Variants in ITPKB observed in about 807,000 individuals in gnomAD.
ITPKB encodes the protein inositol-trisphosphate 3-kinase B.
ITPKB carries 13 observed loss-of-function variants against 69.4 expected under a neutral mutation model. The ratio of observed to expected loss-of-function variants is 0.19; its 90% CI spans 0.12 to 0.30. The LOEUF is 0.30. Ranked by LOEUF, ITPKB falls within the 10% of genes least tolerant of loss-of-function variation. The pLI is 1.00. For missense variants in ITPKB, 1,240 were observed against 1,250.5 expected (o/e 0.99, Z 0.13); for synonymous variants, 584 against 513.7 (o/e 1.14, Z -1.85).
chr1:226,666,079 A>G (rs185674902), intron 2 of ITPKB, among the ~76,000 whole-genome samples: 1 of 152,306 alleles, frequency 6.6e-6, no homozygotes, highest in Non-Finnish European at 1.5e-5. Context: ...GACAGACATG[A>G]CCGCAGAGGG....
At chr1:226,654,133 G>C (rs144571673) in intron 2 of ITPKB, among the ~76,000 whole-genome samples, 37 of 152,316 alleles carry the variant, frequency 2.4e-4, no homozygotes, top group African/African-American at 5.8e-4. Flanking sequence ...ACTCAAGAGA[G>C]GCCTGGAGAC....
intron 2 of ITPKB, among the ~76,000 whole-genome samples, chr1:226,682,505 T>C (rs1233947686): frequency 6.6e-6 from 1 of 152,184 alleles, no homozygotes; most frequent in Non-Finnish European, 1.5e-5. Flanking sequence ...CACTCATTCA[T>C]TCTGAGCCTT....
In ITPKB at chr1:226,735,853, G is replaced by A. The variant is rs541198818; in HGVS notation, c.1606C>T (p.Arg536Trp). ...VQSEGTWESQ[R>W]QDSDALPSPE... ...CTTGGGAGGGCATCACTGTCCTGCC[G>A]CTGGCTTTCCCAAGTCCCCTCTGAT... is the stretch of plus-strand genomic sequence containing the variant. Residue 536 changes from arginine to tryptophan, a missense_variant, in exon 2 of 8, where the codon CGG becomes TGG. Around this residue, in one of 2 missense-constraint regions of ITPKB, gnomAD observed 992 missense variants for 853.8 expected, o/e 1.16. Transcript: ENST00000429204. 8 of 1,606,760 alleles carry A rather than the reference G, an allele frequency of 5.0e-6. No individual in the cohort carries two copies. Among genetic ancestry groups the A allele is most frequent in the South Asian group, 4.4e-5 (4 of 90,852 alleles).
chr1:226,734,833 G>A (rs1388609885), intron 2 of ITPKB, among the ~76,000 whole-genome samples: 1 of 152,226 alleles, frequency 6.6e-6, no homozygotes, highest in African/African-American at 2.4e-5. Flanking sequence ...CTACTCCGGA[G>A]ATAACACTCA....
intron 2 of ITPKB, 145 bp from the exon 3 acceptor site, chr1:226,648,916 A>G: frequency 1.5e-6 from 1 of 663,480 alleles, no homozygotes; most frequent in South Asian, 1.7e-5. Context: ...TGCCACCACC[A>G]TCACCTATGC....
chr1:226,711,178 G>A (rs1656939788), intron 2 of ITPKB, among the ~76,000 whole-genome samples: 2 of 151,752 alleles, frequency 1.3e-5, no homozygotes, highest in Admixed American at 1.3e-4. Context: ...TCATAAATAG[G>A]ACAAAAAAAA....
intron 2 of ITPKB, among the ~76,000 whole-genome samples, chr1:226,724,929 C>T (rs1468522440): frequency 6.6e-6 from 1 of 152,184 alleles, no homozygotes; most frequent in African/African-American, 2.4e-5. Flanking sequence ...CTCCGTGAGC[C>T]TCTGGATCCA....
chr1:226,654,444 C>T (rs1669250388), intron 2 of ITPKB, among the ~76,000 whole-genome samples: 1 of 152,178 alleles, frequency 6.6e-6, no homozygotes, highest in Admixed American at 6.5e-5. Flanking sequence ...TCTCCCTTTT[C>T]CTCTTCCCCT....
intron 2 of ITPKB, among the ~76,000 whole-genome samples, chr1:226,678,746 G>T (rs1343175369): frequency 6.6e-6 from 1 of 152,220 alleles, no homozygotes; most frequent in Non-Finnish European, 1.5e-5. Context: ...AGGCTTTGGT[G>T]AGCTTTTTAC....
At chr1:226,713,822 C>G (rs1657032393) in intron 2 of ITPKB, among the ~76,000 whole-genome samples, 1 of 152,110 alleles carries the variant, frequency 6.6e-6, no homozygotes, top group Non-Finnish European at 1.5e-5. Flanking sequence ...AACAACTACC[C>G]CTCCACATAA....
intron 2 of ITPKB, among the ~76,000 whole-genome samples, chr1:226,679,559 C>T (rs1048247838): frequency 2.6e-5 from 4 of 152,176 alleles, no homozygotes; most frequent in Admixed American, 1.3e-4. Context: ...TGGGGACTAA[C>T]CTAAGTCGAT....
intron 2 of ITPKB, among the ~76,000 whole-genome samples, chr1:226,697,847 G>A (rs1177386483): frequency 6.6e-6 from 1 of 152,202 alleles, no homozygotes; most frequent in African/African-American, 2.4e-5. Context: ...TGGCAGATGT[G>A]CCCTCACATC....
chr1:226,704,696 A>G (rs1656759363), intron 2 of ITPKB, among the ~76,000 whole-genome samples: 1 of 152,252 alleles, frequency 6.6e-6, no homozygotes, highest in South Asian at 2.1e-4. Flanking sequence ...TTTTTCAGAG[A>G]TCATTGGCTA....
Position 226,634,422 on chromosome 1 carries a change from C to T in ITPKB, c.*249G>A. ...GGACCCCCTCCAGCTCTACACCTGA[C>T]CCACCTCTAAGACTGGGCATTTCTC... On this transcript the variant is annotated 3_prime_UTR_variant, in exon 8 of 8. Transcript: ENST00000429204. The surrounding 1 kb of genome is among the most constrained non-coding windows in gnomAD (Gnocchi z 6.3). The T allele has an allele frequency of 2.0e-6, 1 of 506,464 alleles. No individual in the cohort carries two copies. 31.4% of individuals were successfully genotyped at this position (506,464 alleles called of 1,614,324 possible). A position where few individuals can be genotyped will look rare whatever the true frequency, so the allele number is the denominator to read the frequency against.
At position 226,662,198 on chromosome 1, in the gene ITPKB, G is replaced by GACAC. The variant is rs1431767524; in HGVS notation, c.1933-13431_1933-13428dup. 2.0e-5 allele frequency among the ~76,000 whole-genome samples: 3 copies of GACAC among 152,282 alleles called. No individual in the cohort carries two copies. In the East Asian group the frequency reaches 5.8e-4, roughly 29 times the overall value. On this transcript the variant is annotated intron_variant, in intron 2 of 7. Coordinates refer to ENST00000429204, the MANE Select transcript of ITPKB (RefSeq NM_002221.4). ...CCGGGAGACTGAGCTGAGCAACAGG[G>GACAC]ACACAGGCAGCTCTGCCAGGTGGCC...
In ITPKB at chr1:226,738,858, C is replaced by A. The variant is rs1327219506; in HGVS notation, c.-206+183G>T. Among the ~76,000 whole-genome samples, 1 of 152,136 alleles carries A rather than the reference C, an allele frequency of 6.6e-6. No homozygotes were observed. Among genetic ancestry groups the A allele is most frequent in the Non-Finnish European group, 1.5e-5 (1 of 67,988 alleles). On this transcript the variant is annotated intron_variant, in intron 1 of 7. Transcript: ENST00000429204. This position sits in a 1 kb window ranked among gnomAD's most constrained non-coding sequence, Gnocchi z 4.2. ...GGAGAAATGCGGAGACCTCGTCTCT[C>A]CCTATTTTCTCCCCACCGCCACTCC...
rs755840786 is a variant in ITPKB at position 226,736,701 on chromosome 1, G to A, written c.758C>T (p.Ala253Val). The A allele has an allele frequency of 1.9e-6, 3 of 1,612,916 alleles. No individual in the cohort carries two copies. The highest frequency in any genetic ancestry group is 3.3e-5 in the Admixed American group (2 of 60,024). The change falls in exon 2 of 8, where the codon GCT becomes GTT. Residue 253 changes from alanine (A) to valine (V), a missense_variant. Physicochemically the swap from Ala to Val is moderately conservative, Grantham distance 64. Coordinates refer to ENST00000429204, the MANE Select transcript of ITPKB (RefSeq NM_002221.4). ...GATACCCTTCTCCATCCTTACAAAA[G>A]CGGATGGACCCTGAGCCTCTGATCC... ...PTGSEAQGPS[A>V]FVRMEKGIPA...
chr1:226,707,723 A>T (rs1405663717), intron 2 of ITPKB: 1 of 1,046,364 alleles, frequency 9.6e-7, no homozygotes, highest in Non-Finnish European at 1.2e-6. Context: ...AAGGGACAGT[A>T]AGACAATATC....
intron 2 of ITPKB, among the ~76,000 whole-genome samples, chr1:226,719,625 T>G (rs1028134233): frequency 6.6e-6 from 1 of 152,234 alleles, no homozygotes; most frequent in Non-Finnish European, 1.5e-5. Flanking sequence ...CTCAACTCGA[T>G]TGCATTCAAT....
Sources: allele counts gnomAD v4.1 joint callset (sites outside exome capture counted in the v4.1 genomes callset), GRCh38; gene constraint gnomAD v4.1.1; regional missense constraint gnomAD v4.1.1; non-coding constraint Gnocchi (gnomAD v3.1); transcripts MANE v1.5; gene names NCBI Gene and HGNC (gene_info 2026-07-23, HGNC 2026-07-21).